PBX1: variants seen among roughly 807,000 people sequenced by gnomAD.
PBX1 encodes PBX homeobox 1.
Under a neutral mutation model 53.4 loss-of-function variants are expected in PBX1, and 6 were observed. That is an observed-to-expected ratio of 0.11 (90% CI 0.06 to 0.22). The LOEUF is 0.22. PBX1 is among the 10% of genes least tolerant of loss of function. The pLI, the probability that PBX1 is intolerant of heterozygous loss-of-function variation, is 1.00. For missense variants in PBX1, 251 were observed against 551.4 expected (o/e 0.46, Z 5.46); for synonymous variants, 204 against 212.3 (o/e 0.96, Z 0.34).
intron 8 of PBX1, among the ~76,000 whole-genome samples, chr1:164,833,166 A>G (rs1237212765): frequency 6.6e-6 from 1 of 152,100 alleles, no homozygotes; most frequent in East Asian, 1.9e-4. Context: ...AGGGAAAGCC[A>G]GGCATCAGGG....
At chr1:164,778,554 T>C (rs541293067) in intron 2 of PBX1, among the ~76,000 whole-genome samples, 10 of 151,842 alleles carry the variant, frequency 6.6e-5, no homozygotes, top group African/African-American at 2.4e-4. Flanking sequence ...GGAGGATTGC[T>C]TGGACGTGGG....
intron 2 of PBX1, among the ~76,000 whole-genome samples, chr1:164,701,555 A>G (rs78681515): frequency 1.4e-3 from 216 of 152,334 alleles, no homozygotes; most frequent in African/African-American, 5.0e-3. Context: ...AACACTGTCA[A>G]TGAATCCCAT....
rs373704558 is a variant in PBX1, at chr1:164,799,441, A to G, written c.511-258A>G. 3.1e-3 allele frequency among the ~76,000 whole-genome samples: 479 copies of G among 152,316 alleles called. 12 individuals are homozygous for G. In the South Asian group the frequency reaches 0.048, roughly 15 times the overall value. On this transcript the variant is annotated intron_variant, in intron 3 of 8. Coordinates refer to ENST00000420696, the MANE Select transcript of PBX1 (RefSeq NM_002585.4). ...GGGAGGCGGGGCTTGCAGTGAGCCGATATCGTGCCACTGCACTCCAGCCTG... is the reference window on the plus strand; with the variant it reads ...GGGAGGCGGGGCTTGCAGTGAGCCGGTATCGTGCCACTGCACTCCAGCCTG...
At chr1:164,599,165 T>C (rs1655985289) in intron 2 of PBX1, among the ~76,000 whole-genome samples, 2 of 151,264 alleles carry the variant, frequency 1.3e-5, no homozygotes, top group African/African-American at 4.9e-5. Context: ...ATAGATCTCA[T>C]GTCTAACACT....
intron 2 of PBX1, among the ~76,000 whole-genome samples, chr1:164,714,849 C>A (rs1054608232): frequency 2.0e-5 from 3 of 152,184 alleles, no homozygotes; most frequent in Admixed American, 6.5e-5. Context: ...TGAGTCTGAA[C>A]CAGGACTGGA....
At chr1:164,884,868 A>G (rs1672741241) in intron 2 of PBX1, among the ~76,000 whole-genome samples, 1 of 152,224 alleles carries the variant, frequency 6.6e-6, no homozygotes, top group Non-Finnish European at 1.5e-5. Context: ...ACCATATAAC[A>G]TAAAATGTGA....
At chr1:164,713,746 TC>T (rs1250464647) in intron 2 of PBX1, among the ~76,000 whole-genome samples, 1 of 152,212 alleles carries the variant, frequency 6.6e-6, no homozygotes, top group Non-Finnish European at 1.5e-5. Flanking sequence ...ATTACCATTA[TC>T]ATGCTAATCT....
chr1:164,636,156 C>CTCT (rs1553221565), intron 2 of PBX1, among the ~76,000 whole-genome samples: 4 of 148,490 alleles, frequency 2.7e-5, no homozygotes, highest in African/African-American at 1.0e-4. Flanking sequence ...CTCTCTCTCT[C>CTCT]TTTTTTTTTT....
intron 2 of PBX1, among the ~76,000 whole-genome samples, chr1:164,655,521 A>G (rs1430464365): frequency 2.6e-5 from 4 of 152,180 alleles, no homozygotes; most frequent in Non-Finnish European, 4.4e-5. Context: ...ATTGAGATAC[A>G]TGGCTGTTGG....
intron 2 of PBX1, among the ~76,000 whole-genome samples, chr1:164,687,395 C>T (rs1416465162): frequency 6.6e-6 from 1 of 151,746 alleles, no homozygotes; most frequent in Non-Finnish European, 1.5e-5. Flanking sequence ...AACCCTGTCT[C>T]TACAAAAAAT....
chr1:164,705,253 A>T (rs1663362864), intron 2 of PBX1, among the ~76,000 whole-genome samples: 1 of 152,242 alleles, frequency 6.6e-6, no homozygotes, highest in Non-Finnish European at 1.5e-5. Context: ...GTTGAGAACC[A>T]TTCATCTATA....
intron 2 of PBX1, among the ~76,000 whole-genome samples, chr1:164,598,967 G>A (rs1037793022): frequency 7.9e-5 from 12 of 151,836 alleles, no homozygotes; most frequent in African/African-American, 1.2e-4. Flanking sequence ...TTTGAATCCT[G>A]GTTTGTCCAG....
At chr1:164,752,224 GT>G (rs1666274195) in intron 2 of PBX1, among the ~76,000 whole-genome samples, 1 of 151,566 alleles carries the variant, frequency 6.6e-6, no homozygotes, top group Non-Finnish European at 1.5e-5. Context: ...GTGTGTGTGT[GT>G]GTGTGTGTGT....
chr1:164,573,402 T>C (rs1654005008), intron 2 of PBX1, among the ~76,000 whole-genome samples: 1 of 151,964 alleles, frequency 6.6e-6, no homozygotes, highest in African/African-American at 2.4e-5. Context: ...ACATAAAAAT[T>C]AATGAGATAT....
chr1:164,848,555 AC>A lies in PBX1; in HGVS notation c.*1881del. The A allele has an allele frequency of 1.9e-6, 2 of 1,059,652 alleles. No homozygotes were observed. Among genetic ancestry groups the A allele is most frequent in the South Asian group, 9.1e-5 (2 of 21,912 alleles). 65.6% of individuals were successfully genotyped at this position (1,059,652 alleles called of 1,614,324 possible). A position where few individuals can be genotyped will look rare whatever the true frequency, so the allele number is the denominator to read the frequency against. On this transcript the variant is annotated 3_prime_UTR_variant, in exon 9 of 9. Coordinates refer to ENST00000420696, the MANE Select transcript of PBX1 (RefSeq NM_002585.4). ...TTAATATCAGTACCTTGATGTCATC[AC>A]CGTGATGACAAAGAGAAGAGTTATT...
chr1:164,602,278 A>G (rs552157257), intron 2 of PBX1, among the ~76,000 whole-genome samples: 6 of 152,210 alleles, frequency 3.9e-5, no homozygotes, highest in African/African-American at 1.4e-4. Context: ...TGAAATTGCT[A>G]TGGGAGGGCC....
At chr1:164,793,856 C>CT (rs397945891) in intron 3 of PBX1, among the ~76,000 whole-genome samples, 5,183 of 83,668 alleles carry the variant, frequency 0.062, 346 homozygotes, top group African/African-American at 0.2. Context: ...CCTTTCTTTT[C>CT]TTTTTTTTTT....
intron 2 of PBX1, among the ~76,000 whole-genome samples, chr1:164,746,440 G>A (rs181969277): frequency 1.6e-3 from 238 of 152,146 alleles, no homozygotes; most frequent in African/African-American, 5.4e-3. Flanking sequence ...GTAGTGGCAC[G>A]ATCTCAGCTC....
Position 164,716,770 on chromosome 1 carries a change from G to A in PBX1, c.266-75724G>A, listed in dbSNP as rs536167997. On this transcript the variant is annotated intron_variant, in intron 2 of 8. Coordinates refer to ENST00000420696, the MANE Select transcript of PBX1 (RefSeq NM_002585.4). ...GAAGAAAAAAAAAGAATCTATTAAC[G>A]AAAAAATAAAAGCCAAAACATGCAT... is the stretch of plus-strand genomic sequence containing the variant. 3.6e-5 allele frequency among the ~76,000 whole-genome samples: 5 copies of A among 137,844 alleles called. No homozygotes were observed. In the South Asian group the frequency reaches 7.5e-4, roughly 21 times the overall value. 90.4% of individuals were successfully genotyped at this position (137,844 alleles called of 152,430 possible).
Sources: allele counts gnomAD v4.1 joint callset (sites outside exome capture counted in the v4.1 genomes callset), GRCh38; gene constraint gnomAD v4.1.1; transcripts MANE v1.5; gene names NCBI Gene and HGNC (gene_info 2026-07-23, HGNC 2026-07-21).